SNAP47: variants seen among roughly 807,000 people sequenced by gnomAD.
SNAP47 encodes the protein synaptosome associated protein 47.
SNAP47 carries 20 observed loss-of-function variants against 31.4 expected under a neutral mutation model. The observed-to-expected ratio is 0.64, with a 90% confidence interval of 0.45 to 0.93. SNAP47 has a LOEUF of 0.93. Among genes scored for constraint, SNAP47 ranks in the 40% least tolerant of loss-of-function variants. SNAP47 has a pLI of 0.00. For synonymous variants in SNAP47, 194 were observed against 213.4 expected (o/e 0.91, Z 0.79); for missense variants, 492 against 528.5 (o/e 0.93, Z 0.68).
In SNAP47 at chr1:227,753,771, A is replaced by C. The variant is rs113248698; in HGVS notation, c.498-5224A>C. Among the ~76,000 whole-genome samples, 205 of 152,074 alleles carry C rather than the reference A, an allele frequency of 1.3e-3. 1 individual carries two copies. The highest frequency in any genetic ancestry group is 2.1e-3 in the Non-Finnish European group (145 of 67,940). ...GGGCATTCAACAGGGCACTGAAGCC[A>C]GCCACTGAAGCCACGGCTGGCTTCA... On this transcript the variant is annotated intron_variant, in intron 2 of 4. Transcript: ENST00000617596.
At chr1:227,734,226 G>C (rs1395836988), upstream of SNAP47, 3 of 619,486 alleles carry the variant, frequency 4.8e-6, no homozygotes, top group Non-Finnish European at 8.4e-6. Context: ...GACTACAATG[G>C]TTCTGCTTAT....
intron 4 of SNAP47, among the ~76,000 whole-genome samples, chr1:227,778,566 C>T (rs1248984233): frequency 6.6e-6 from 1 of 152,216 alleles, no homozygotes; most frequent in Non-Finnish European, 1.5e-5. Flanking sequence ...GTGTGCAGCC[C>T]AGCCATCCCT....
At chr1:227,776,769 C>G (rs1415449567) in intron 4 of SNAP47, 1 of 985,338 alleles carries the variant, frequency 1.0e-6, no homozygotes, top group East Asian at 1.1e-4. Context: ...AGCAGCTGTA[C>G]AGATCGCTCT....
upstream of SNAP47, chr1:227,733,877 C>A (rs577778890): frequency 2.5e-5 from 40 of 1,611,450 alleles, no homozygotes; most frequent in East Asian, 6.5e-4. Context: ...CAGGCCCCTT[C>A]GGGTTCCACT....
chr1:227,769,344 GC>G (rs1351102267), intron 4 of SNAP47, among the ~76,000 whole-genome samples: 2 of 152,190 alleles, frequency 1.3e-5, no homozygotes, highest in African/African-American at 4.8e-5. Flanking sequence ...GGCAAGGGCA[GC>G]ACGTTGGTCA....
chr1:227,760,901 A>G (rs929592766), intron 3 of SNAP47, among the ~76,000 whole-genome samples: 2 of 152,318 alleles, frequency 1.3e-5, no homozygotes, highest in South Asian at 2.1e-4. Flanking sequence ...TTATCTTGCC[A>G]TGGTAAAATC....
intron 2 of SNAP47, among the ~76,000 whole-genome samples, chr1:227,756,506 G>A (rs1162236876): frequency 6.6e-6 from 1 of 152,238 alleles, no homozygotes; most frequent in East Asian, 1.9e-4. Flanking sequence ...TTGATACACA[G>A]AATATTTCTG....
chr1:227,763,020 A>G lies in SNAP47; in HGVS notation c.988+3535A>G, dbSNP rs1572031320. Among the ~76,000 whole-genome samples the G allele has an allele frequency of 6.6e-6, 1 of 152,040 alleles. No individual in the cohort carries two copies. Among genetic ancestry groups the G allele is most frequent in the Non-Finnish European group, 1.5e-5 (1 of 68,012 alleles). On this transcript the variant is annotated intron_variant, in intron 3 of 4. Coordinates refer to ENST00000617596, the MANE Select transcript of SNAP47 (RefSeq NM_053052.4). The surrounding 1 kb of genome is among the most constrained non-coding windows in gnomAD (Gnocchi z 4.2). ...CATCCAGGCTGGAGTGCAGAGGTGC[A>G]ATCATAGCTCACTGTAACTTCAATC...
intron 2 of SNAP47, among the ~76,000 whole-genome samples, chr1:227,751,612 G>A (rs1662359012): frequency 6.6e-6 from 1 of 152,168 alleles, no homozygotes; most frequent in Non-Finnish European, 1.5e-5. Flanking sequence ...CAGGCCCACA[G>A]GCAGGGCGCC....
chr1:227,761,515 T>G (rs1289370259), intron 3 of SNAP47, among the ~76,000 whole-genome samples: 1 of 152,130 alleles, frequency 6.6e-6, no homozygotes, highest in African/African-American at 2.4e-5. Context: ...CAAGATGAGA[T>G]CAAAGGTCAC....
intron 1 of SNAP47, among the ~76,000 whole-genome samples, chr1:227,738,316 A>G (rs1016309993): frequency 2.6e-5 from 4 of 152,200 alleles, no homozygotes; most frequent in Non-Finnish European, 5.9e-5. Flanking sequence ...CTGGGATTAC[A>G]GGCGTGAGCC....
In SNAP47 at chr1:227,762,883, G is replaced by A. The variant is rs1663153868; in HGVS notation, c.988+3398G>A. Among the ~76,000 whole-genome samples the A allele has an allele frequency of 6.6e-6, 1 of 152,208 alleles. No homozygotes were observed. Among genetic ancestry groups the A allele is most frequent in the South Asian group, 2.1e-4 (1 of 4,830 alleles). On this transcript the variant is annotated intron_variant, in intron 3 of 4. Transcript: ENST00000617596. The surrounding 1 kb of genome is among the most constrained non-coding windows in gnomAD (Gnocchi z 4.2). ...AGTCGGCCTGGGCTGTGGTTTGGGA[G>A]GAAGGCCACAGGGTGAGGTTTCCTT...
chr1:227,753,353 C>T (rs1662499177), intron 2 of SNAP47, among the ~76,000 whole-genome samples: 1 of 152,240 alleles, frequency 6.6e-6, no homozygotes, highest in Non-Finnish European at 1.5e-5. Flanking sequence ...TTCTACCTCA[C>T]TTATTGTTCC....
intron 3 of SNAP47, 69 bp downstream of exon 3, chr1:227,759,554 G>C: frequency 6.4e-7 from 1 of 1,559,122 alleles, no homozygotes. Context: ...CAGCACGCCT[G>C]TGGGAAATGC....
intron 2 of SNAP47, among the ~76,000 whole-genome samples, chr1:227,753,862 C>T (rs1055713745): frequency 1.3e-5 from 2 of 152,080 alleles, no homozygotes; most frequent in Admixed American, 6.5e-5. Flanking sequence ...TCCAACCCCA[C>T]GACAGCATCT....
intron 2 of SNAP47, among the ~76,000 whole-genome samples, chr1:227,757,014 A>G (rs2102946399): frequency 6.6e-6 from 1 of 152,340 alleles, no homozygotes; most frequent in East Asian, 1.9e-4. Flanking sequence ...CTTTCTCCAG[A>G]TGAGGGACGT....
At chr1:227,749,984 C>G (rs941757306) in intron 2 of SNAP47, among the ~76,000 whole-genome samples, 16 of 152,262 alleles carry the variant, frequency 1.1e-4, no homozygotes, top group Non-Finnish European at 1.9e-4. Context: ...CCCACAGCTG[C>G]AGTGGGCAGA....
At chr1:227,759,510 C>T (rs1210498642) in intron 3 of SNAP47, 25 bp downstream of exon 3, 9 of 1,603,674 alleles carry the variant, frequency 5.6e-6, no homozygotes, top group African/African-American at 1.3e-5. Flanking sequence ...AGGCAGTGAG[C>T]GCGTGCACAG....
rs140772937 is a variant in SNAP47 at position 227,748,070 on chromosome 1, G to C, written c.334G>C (p.Ala112Pro). Residue 112 changes from alanine to proline, a missense_variant, in exon 2 of 5, where the codon GCA (alanine) becomes CCA (proline). Transcript: ENST00000617596. ...GTCTCAGCCTGGAGCCGTGGCAGAC[G>C]CATCTGTCCCAAGGACCCGGGGCGA... is the stretch of plus-strand genomic sequence containing the variant. ...LLSQPGAVAD[A>P]SVPRTRGEEL... 8.1e-6 allele frequency: 13 copies of C among 1,614,040 alleles called. No individual in the cohort carries two copies. The highest frequency in any genetic ancestry group is 1.7e-5 in the Admixed American group (1 of 60,012).
Sources: allele counts gnomAD v4.1 joint callset (sites outside exome capture counted in the v4.1 genomes callset), GRCh38; gene constraint gnomAD v4.1.1; non-coding constraint Gnocchi (gnomAD v3.1); transcripts MANE v1.5; gene names NCBI Gene and HGNC (gene_info 2026-07-23, HGNC 2026-07-21).